Variants in SLC10A7 observed in about 807,000 individuals in gnomAD.
SLC10A7 encodes the protein solute carrier family 10 member 7, also known as sodium/bile acid cotransporter 7.
A neutral mutation model predicts 43.2 loss-of-function variants in SLC10A7; 29 were observed. That is an observed-to-expected ratio of 0.67 (90% CI 0.50 to 0.92). The LOEUF (loss-of-function observed/expected upper bound fraction) is 0.92. Ranked by LOEUF, SLC10A7 falls within the 40% of genes least tolerant of loss-of-function variation. SLC10A7 has a pLI of 0.00. For missense variants in SLC10A7, 295 were observed against 403.2 expected (o/e 0.73, Z 2.30); for synonymous variants, 152 against 144.8 (o/e 1.05, Z -0.35).
intron 5 of SLC10A7, among the ~76,000 whole-genome samples, chr4:146,420,749 G>T (rs1043767099): frequency 2.0e-5 from 3 of 152,080 alleles, no homozygotes; most frequent in African/African-American, 7.2e-5. Context: ...CAACAGCTGG[G>T]CACGGTGGCT....
intron 5 of SLC10A7, among the ~76,000 whole-genome samples, chr4:146,381,156 G>T (rs139747178): frequency 2.6e-3 from 393 of 152,212 alleles, no homozygotes; most frequent in Non-Finnish European, 4.5e-3. Context: ...CAAATGAGGG[G>T]CCCTAAAGCT....
At chr4:146,394,057 A>C (rs1738635868) in intron 5 of SLC10A7, among the ~76,000 whole-genome samples, 1 of 152,216 alleles carries the variant, frequency 6.6e-6, no homozygotes, top group African/African-American at 2.4e-5. Flanking sequence ...TGGGAATCTA[A>C]ACAGAGTCAG....
In SLC10A7 at chr4:146,279,957, G is replaced by A. The variant is rs145154687; in HGVS notation, c.847+3235C>T. Among the ~76,000 whole-genome samples the A allele has an allele frequency of 1.6e-3, 239 of 151,672 alleles. 6 individuals are homozygous for A. The East Asian group carries it at 0.041, about 26-fold the overall frequency. On this transcript the variant is annotated intron_variant, in intron 10 of 11. Transcript: ENST00000335472. Reference sequence around the variant, plus strand: ...TAGATGCAAGTACAAGGAAGAGATCGAGATAGGGCAAAAGCAAGAACAATA... The same window carrying A: ...TAGATGCAAGTACAAGGAAGAGATCAAGATAGGGCAAAAGCAAGAACAATA...
intron 2 of SLC10A7, chr4:146,514,305 T>A (rs925256623): frequency 6.6e-6 from 1 of 152,222 alleles, no homozygotes; most frequent in African/African-American, 2.4e-5. Flanking sequence ...TTTGTTTCTA[T>A]CCCCAGCACC....
intron 1 of SLC10A7, among the ~76,000 whole-genome samples, chr4:146,518,098 G>T (rs4550954): frequency 0.2 from 30,201 of 152,142 alleles, 3,762 homozygotes; most frequent in South Asian, 0.31. Context: ...TGTTAACACT[G>T]CGAGAACAAT....
At chr4:146,510,755 C>T (rs995714334) in intron 2 of SLC10A7, among the ~76,000 whole-genome samples, 1 of 152,174 alleles carries the variant, frequency 6.6e-6, no homozygotes, top group African/African-American at 2.4e-5. Context: ...CTTAATAAGA[C>T]CTATCACATT....
intron 10 of SLC10A7, among the ~76,000 whole-genome samples, chr4:146,268,882 G>A (rs1728726485): frequency 6.6e-6 from 1 of 152,082 alleles, no homozygotes; most frequent in Non-Finnish European, 1.5e-5. Context: ...TGCAAGGGGT[G>A]CTTTTTAATA....
At chr4:146,403,557 T>C (rs953708651) in intron 5 of SLC10A7, among the ~76,000 whole-genome samples, 5 of 152,166 alleles carry the variant, frequency 3.3e-5, no homozygotes, top group African/African-American at 1.2e-4. Context: ...CTACATTTCA[T>C]ATACCTGCAT....
intron 4 of SLC10A7, among the ~76,000 whole-genome samples, chr4:146,483,932 C>T (rs1734705626): frequency 1.3e-5 from 2 of 152,040 alleles, no homozygotes; most frequent in Non-Finnish European, 2.9e-5. Context: ...AGGACATAAC[C>T]ACAGTAAATA....
intron 5 of SLC10A7, among the ~76,000 whole-genome samples, chr4:146,434,106 T>G (rs765512730): frequency 1.3e-5 from 2 of 151,686 alleles, no homozygotes; most frequent in African/African-American, 2.4e-5. Context: ...GTTATCAGAG[T>G]AGAAATAAGA....
Position 146,488,164 on chromosome 4 carries a change from C to T in SLC10A7, c.396+15685G>A, listed in dbSNP as rs538362370. Among the ~76,000 whole-genome samples the T allele has an allele frequency of 5.9e-5, 9 of 151,476 alleles. No individual in the cohort carries two copies. The South Asian group carries it at 1.7e-3, about 28-fold the overall frequency. ...CACGATCATACCACTGTACTTCTGCCGTGGTGACAGACTGAGACCCTGCCT... is the reference window on the plus strand; with the variant it reads ...CACGATCATACCACTGTACTTCTGCTGTGGTGACAGACTGAGACCCTGCCT... On this transcript the variant is annotated intron_variant, in intron 4 of 11. Coordinates refer to ENST00000335472, the MANE Select transcript of SLC10A7 (RefSeq NM_001029998.6).
chr4:146,283,339 AC>A (rs1729671336), intron 9 of SLC10A7, 74 bp from the exon 10 acceptor site: 4 of 1,113,202 alleles, frequency 3.6e-6, no homozygotes, highest in Non-Finnish European at 5.5e-6. Context: ...CAAATGTAGT[AC>A]CTACCTTTAT....
chr4:146,429,906 A>G (rs1729643788), intron 5 of SLC10A7, among the ~76,000 whole-genome samples: 1 of 152,202 alleles, frequency 6.6e-6, no homozygotes, highest in Non-Finnish European at 1.5e-5. Context: ...AAATGGACAA[A>G]CGTGACATAC....
intron 4 of SLC10A7, among the ~76,000 whole-genome samples, chr4:146,501,247 C>A (rs1423137931): frequency 1.3e-5 from 2 of 152,184 alleles, no homozygotes; most frequent in Non-Finnish European, 2.9e-5. Context: ...ACTTCCTAAA[C>A]TACCAATTCT....
At chr4:146,334,025 A>G (rs1020320366) in intron 5 of SLC10A7, among the ~76,000 whole-genome samples, 2 of 152,110 alleles carry the variant, frequency 1.3e-5, no homozygotes, top group African/African-American at 4.8e-5. Context: ...GTTTGTGGGG[A>G]GAGTGTCAAA....
intron 6 of SLC10A7, among the ~76,000 whole-genome samples, chr4:146,324,125 A>G (rs1365548393): frequency 6.6e-6 from 1 of 152,214 alleles, no homozygotes; most frequent in Non-Finnish European, 1.5e-5. Context: ...AGGGATATGA[A>G]GGACCTCTTC....
intron 4 of SLC10A7, among the ~76,000 whole-genome samples, chr4:146,476,321 G>A (rs372912562): frequency 8.5e-5 from 13 of 152,274 alleles, no homozygotes; most frequent in African/African-American, 2.6e-4. Flanking sequence ...TGCAGTAATG[G>A]CCCATGAGGT....
At chr4:146,429,265 G>C (rs953373411) in intron 5 of SLC10A7, among the ~76,000 whole-genome samples, 2 of 152,202 alleles carry the variant, frequency 1.3e-5, no homozygotes, top group African/African-American at 4.8e-5. Context: ...TGGGATTTTT[G>C]TCAAAAGAAT....
At chr4:146,335,386 G>A (rs1733826438) in intron 5 of SLC10A7, among the ~76,000 whole-genome samples, 1 of 151,760 alleles carries the variant, frequency 6.6e-6, no homozygotes, top group African/African-American at 2.4e-5. Flanking sequence ...AGCAGGTGAT[G>A]CAGATGGGCT....
Sources: gnomAD v4.1 joint callset for allele counts (sites outside exome capture counted in the v4.1 genomes callset) on GRCh38, gnomAD v4.1.1 for gene constraint, MANE v1.5 for transcripts, NCBI Gene and HGNC (gene_info 2026-07-23, HGNC 2026-07-21) for gene names.